The following LIMS2 variants were observed in gnomAD, a reference collection of about 807,000 sequenced individuals.
The protein encoded by LIMS2 is LIM zinc finger domain containing 2.
LIMS2 carries 30 observed loss-of-function variants against 45.3 expected under a neutral mutation model. That is an observed-to-expected ratio of 0.66 (90% CI 0.50 to 0.90). The LOEUF (loss-of-function observed/expected upper bound fraction) is 0.90, where lower values mean the gene tolerates loss of function less well. LIMS2 is among the 40% of genes least tolerant of loss of function. The pLI is 0.00. For missense variants in LIMS2, 485 were observed against 468.7 expected (o/e 1.03, Z -0.32); for synonymous variants, 173 against 188.0 (o/e 0.92, Z 0.65).
rs773522308 is a variant in LIMS2, at chr2:127,639,422, C to T, written c.885G>A (p.Lys295=). Residue 295 remains lysine, a synonymous_variant, in exon 10 of 10, where the codon AAG becomes AAA. Coordinates refer to ENST00000355119, the MANE Select transcript of LIMS2 (RefSeq NM_001161403.3). The part of the protein sequence containing the change: ...TCNSKLTLKN[K]FVEFDMKPVC... ...CGGGCTTCATGTCGAACTCCACAAA[C>T]TTGTTCCTGAGGAGGAAGCTGAGCT... The T allele has an allele frequency of 1.2e-6, 2 of 1,613,588 alleles. No individual in the cohort carries two copies. The highest frequency in any genetic ancestry group is 1.7e-6 in the Non-Finnish European group (2 of 1,179,842).
Position 127,657,464 on chromosome 2 carries a change from T to G in LIMS2, c.110A>C (p.His37Pro). ...RIVNSNGELY[H>P]EHCFVCAQCF... ...CTGGGCACACACGAAGCAGTGCTCATGGTACAGCTCCCCATTGCTGTTGAC... is the reference window on the plus strand; with the variant it reads ...CTGGGCACACACGAAGCAGTGCTCAGGGTACAGCTCCCCATTGCTGTTGAC... Residue 37 changes from histidine to proline, a missense_variant, in exon 2 of 10, where the codon CAT becomes CCT. Coordinates refer to ENST00000355119, the MANE Select transcript of LIMS2 (RefSeq NM_001161403.3). 6.2e-7 allele frequency: 1 copy of G among 1,613,856 alleles called. No homozygotes were observed. The highest frequency in any genetic ancestry group is 8.5e-7 in the Non-Finnish European group (1 of 1,179,996).
intron 4 of LIMS2, among the ~76,000 whole-genome samples, chr2:127,648,780 G>T (rs34011500): frequency 2.0e-3 from 302 of 151,878 alleles, no homozygotes; most frequent in Non-Finnish European, 3.4e-3. Context: ...AATTAGCCGG[G>T]TGTGGTGGTG....
chr2:127,650,134 G>C, intron 4 of LIMS2: 2 of 1,482,210 alleles, frequency 1.3e-6, no homozygotes, highest in Admixed American at 1.9e-5. Flanking sequence ...GCCATCCTGG[G>C]GGCACCCTCC....
rs904888797 is a variant in LIMS2 at position 127,657,321 on chromosome 2, C to T, written c.171+82G>A. ...GACCTGGCCCTGTCACCAGTCGGGA[C>T]CACTGCATGGAGCCCGGCCCACCCG... On this transcript the variant is annotated intron_variant, in intron 2 of 9. Transcript: ENST00000355119. 9.7e-6 allele frequency: 15 copies of T among 1,542,474 alleles called. No homozygotes were observed. In the Admixed American group the frequency reaches 2.6e-4, roughly 26 times the overall value.
chr2:127,639,397 C>G lies in LIMS2; in HGVS notation c.910G>C (p.Val304Leu). 1 of 1,613,880 alleles carries G rather than the reference C, an allele frequency of 6.2e-7. No homozygotes were observed. Among genetic ancestry groups the G allele is most frequent in the South Asian group, 1.1e-5 (1 of 91,086 alleles). Residue 304 changes from valine (V) to leucine (L), a missense_variant, in exon 10 of 10, where the codon GTG (valine) becomes CTG (leucine). Physicochemically the swap from Val to Leu is conservative, Grantham distance 32. Transcript: ENST00000355119. The stretch of plus-strand genomic sequence containing the variant: ...AACTTCTCGTAGCACCTCTTACACA[C>G]GGGCTTCATGTCGAACTCCACAAAC... ...NKFVEFDMKP[V>L]CKRCYEKFPL...
chr2:127,651,347 G>A lies in LIMS2; in HGVS notation c.359+3077C>T, dbSNP rs367931492. 133 of 1,611,766 alleles carry A rather than the reference G, an allele frequency of 8.3e-5. 1 individual carries two copies. Among genetic ancestry groups the A allele is most frequent in the South Asian group, 2.3e-4 (21 of 91,094 alleles). ...CCCTGGCAGTGGCCTTCACCTTCCC[G>A]TTCATCACCACGGTCACCTGCTACC... On this transcript the variant is annotated intron_variant, in intron 4 of 9. Coordinates refer to ENST00000355119, the MANE Select transcript of LIMS2 (RefSeq NM_001161403.3).
chr2:127,671,075 G>A lies in LIMS2; in HGVS notation c.11+3939C>T, dbSNP rs1327048023. Among the ~76,000 whole-genome samples the A allele has an allele frequency of 1.3e-5, 2 of 152,182 alleles. No individual in the cohort carries two copies. Among genetic ancestry groups the A allele is most frequent in the Non-Finnish European group, 2.9e-5 (2 of 68,022 alleles). On this transcript the variant is annotated intron_variant, in intron 1 of 9. Transcript: ENST00000355119. The surrounding 1 kb of genome is among the most constrained non-coding windows in gnomAD (Gnocchi z 4.1). ...CGCTACACCTCAACAGAACAAGCAAGACAGTGACAGTGCCTCCCTTGGCCC... is the reference window on the plus strand; with the variant it reads ...CGCTACACCTCAACAGAACAAGCAAAACAGTGACAGTGCCTCCCTTGGCCC...
chr2:127,643,201 G>A, intron 4 of LIMS2, 129 bp from the exon 5 acceptor site: 1 of 1,034,494 alleles, frequency 9.7e-7, no homozygotes, highest in Non-Finnish European at 1.4e-6. Flanking sequence ...CTCAGCCCAG[G>A]GTATGGGAAA....
At chr2:127,654,659 C>T (rs188312880) in intron 3 of LIMS2, 115 bp from the exon 4 acceptor site, 109 of 1,538,728 alleles carry the variant, frequency 7.1e-5, no homozygotes, top group East Asian at 2.3e-4. Context: ...CCATGGGCTC[C>T]CTCGTGGGAT....
In LIMS2 at chr2:127,642,626, T is replaced by C; in HGVS notation, c.509+297A>G. On this transcript the variant is annotated intron_variant, in intron 5 of 9. Coordinates refer to ENST00000355119, the MANE Select transcript of LIMS2 (RefSeq NM_001161403.3). The surrounding 1 kb of genome is among the most constrained non-coding windows in gnomAD (Gnocchi z 5.3). The stretch of plus-strand genomic sequence containing the variant: ...CGGTCTCTTGCCCTGCCCCCTCAGG[T>C]CCCTTCCACTGCTCCATCTCAACCC... 2.3e-6 allele frequency: 1 copy of C among 428,562 alleles called. No individual in the cohort carries two copies. The highest frequency in any genetic ancestry group is 4.2e-6 in the Non-Finnish European group (1 of 236,924). The allele number at this position is 428,562 out of a possible 1,614,324, so 26.5% of individuals were successfully genotyped here.
intron 3 of LIMS2, 105 bp downstream of exon 3, chr2:127,654,725 T>C: frequency 6.8e-7 from 1 of 1,470,014 alleles, no homozygotes; most frequent in Non-Finnish European, 9.4e-7. Flanking sequence ...GGTGGGGAGT[T>C]AGGAAAGAGC....
chr2:127,668,951 G>A (rs1685160638), intron 1 of LIMS2, among the ~76,000 whole-genome samples: 1 of 152,052 alleles, frequency 6.6e-6, no homozygotes, highest in South Asian at 2.1e-4. Flanking sequence ...AAGTAGCCAG[G>A]TGTGGTGGTG....
chr2:127,664,203 C>G lies in LIMS2; in HGVS notation c.12-6641G>C. On this transcript the variant is annotated intron_variant, in intron 1 of 9. Transcript: ENST00000355119. This position sits in a 1 kb window ranked among gnomAD's most constrained non-coding sequence, Gnocchi z 5.5. The stretch of plus-strand genomic sequence containing the variant: ...CCATCCGACGCCGGGGCAGAGCCCA[C>G]GGCGTCGGAGGGCCCCGGTCGGGTT... 1 of 974,216 alleles carries G rather than the reference C, an allele frequency of 1.0e-6. No individual in the cohort carries two copies. Among genetic ancestry groups the G allele is most frequent in the East Asian group, 4.1e-5 (1 of 24,534 alleles). The allele number at this position is 974,216 out of a possible 1,614,324, so 60.3% of individuals were successfully genotyped here.
chr2:127,640,586 G>C (rs1413031374), intron 7 of LIMS2: 6 of 600,514 alleles, frequency 1.0e-5, no homozygotes, highest in African/African-American at 9.3e-5. Context: ...CCCAGGTGGT[G>C]ACTGCATCCC....
Position 127,643,092 on chromosome 2 carries a change from T to C in LIMS2, c.360-20A>G, listed in dbSNP as rs1682604606. The C allele has an allele frequency of 6.4e-7, 1 of 1,553,884 alleles. No homozygotes were observed. Among genetic ancestry groups the C allele is most frequent in the African/African-American group, 1.4e-5 (1 of 73,608 alleles). ...AGATGCCTGCGGGAGGCGGGGGCAT[T>C]AGGGGCAGAGCCCCCACTCCCACAC... On this transcript the variant is annotated intron_variant, in intron 4 of 9. Coordinates refer to ENST00000355119, the MANE Select transcript of LIMS2 (RefSeq NM_001161403.3).
upstream of LIMS2, among the ~76,000 whole-genome samples, chr2:127,676,682 G>A (rs1277453173): frequency 1.3e-5 from 2 of 152,054 alleles, no homozygotes; most frequent in African/African-American, 4.8e-5. Flanking sequence ...TTCTTGTTGC[G>A]AGCGTGTCTC....
Position 127,640,134 on chromosome 2 carries a change from G to C in LIMS2, c.814C>G (p.Leu272Val). ...HVIEGDVVSALNKAWCVSCFS... is the reference protein window; with the variant it reads ...HVIEGDVVSAVNKAWCVSCFS... ...CAGCTCACACACCAGGCCTTGTTGA[G>C]GGCCGACACCACTGTGAGGGAAGCG... The change falls in exon 9 of 10, where the codon CTC becomes GTC. Residue 272 changes from leucine (L) to valine (V), a missense_variant. Coordinates refer to ENST00000355119, the MANE Select transcript of LIMS2 (RefSeq NM_001161403.3). 6.2e-7 allele frequency: 1 copy of C among 1,613,444 alleles called. No individual in the cohort carries two copies. The highest frequency in any genetic ancestry group is 8.5e-7 in the Non-Finnish European group (1 of 1,180,022).
intron 4 of LIMS2, chr2:127,652,011 G>T (rs1038698541): frequency 1.9e-6 from 1 of 539,172 alleles, no homozygotes; most frequent in Admixed American, 3.4e-5. Flanking sequence ...TCTGTGGCAG[G>T]GAGAGAGGAG....
intron 1 of LIMS2, among the ~76,000 whole-genome samples, chr2:127,666,437 C>A (rs1327069809): frequency 6.6e-6 from 1 of 152,134 alleles, no homozygotes; most frequent in African/African-American, 2.4e-5. Flanking sequence ...TTATCCTAGT[C>A]CCTTATTCCT....
Sources: gnomAD v4.1 joint callset for allele counts (sites outside exome capture counted in the v4.1 genomes callset) on GRCh38, gnomAD v4.1.1 for gene constraint, Gnocchi (gnomAD v3.1) non-coding constraint, MANE v1.5 for transcripts, NCBI Gene and HGNC (gene_info 2026-07-23, HGNC 2026-07-21) for gene names.